Variants in ASAH1 observed in about 807,000 individuals in gnomAD.
ASAH1 encodes N-acylsphingosine amidohydrolase 1.
In ASAH1, 70 loss-of-function variants were observed where a neutral mutation model predicts 59.5. The ratio of observed to expected loss-of-function variants is 1.18; its 90% CI spans 0.97 to 1.43. The LOEUF (loss-of-function observed/expected upper bound fraction) is 1.43. Ranked by LOEUF, ASAH1 falls within the 40% of genes most tolerant of loss-of-function variation. The probability of loss-of-function intolerance (pLI) is 0.00; values close to 1 mark genes in which losing one functional copy is unlikely to be tolerated. For missense variants in ASAH1, 660 were observed against 482.5 expected (o/e 1.37, Z -3.45); for synonymous variants, 213 against 166.5 (o/e 1.28, Z -2.15).
In ASAH1 at chr8:18,083,881, A is replaced by G. The variant is rs1589011683; in HGVS notation, c.78+100T>C. On this transcript the variant is annotated intron_variant, in intron 1 of 13. Transcript: ENST00000637790. Reference sequence around the variant, plus strand: ...GACCCCCGTAAAGAAGCTGCCCAGCACGAGGTGTTCCTTGTACCCGCTCGC... The same window carrying G: ...GACCCCCGTAAAGAAGCTGCCCAGCGCGAGGTGTTCCTTGTACCCGCTCGC... 9 of 1,531,750 alleles carry G rather than the reference A, an allele frequency of 5.9e-6. No individual in the cohort carries two copies. In the Admixed American group the frequency reaches 9.8e-5, roughly 17 times the overall value. 94.9% of individuals were successfully genotyped at this position (1,531,750 alleles called of 1,614,324 possible). A position where few individuals can be genotyped will look rare whatever the true frequency, so the allele number is the denominator to read the frequency against.
chr8:18,058,960 T>A, intron 12 of ASAH1, 69 bp from the exon 13 acceptor site: 1 of 1,368,518 alleles, frequency 7.3e-7, no homozygotes, highest in Non-Finnish European at 1.0e-6. Context: ...TCTACACACA[T>A]GGGCCACCAG....
chr8:18,072,203 A>C (rs181392659), intron 2 of ASAH1, among the ~76,000 whole-genome samples: 143 of 152,334 alleles, frequency 9.4e-4, no homozygotes, highest in Non-Finnish European at 1.7e-3. Context: ...GTGGTTTATC[A>C]GTATAAACCT....
At chr8:18,075,268 C>T (rs554105368) in intron 2 of ASAH1, among the ~76,000 whole-genome samples, 1 of 152,270 alleles carries the variant, frequency 6.6e-6, no homozygotes, top group East Asian at 1.9e-4. Flanking sequence ...GCTGGGATTA[C>T]AGGCGTGAGC....
upstream of ASAH1, chr8:18,084,426 C>T (rs1047907552): frequency 8.7e-6 from 12 of 1,377,548 alleles, no homozygotes; most frequent in Middle Eastern, 2.7e-4. Flanking sequence ...CTCGATGGGG[C>T]GCCTCTAGCA....
rs1799478677 is a variant in ASAH1, at chr8:18,056,572, G to C, written c.*962C>G. 1 of 152,178 alleles carries C rather than the reference G, an allele frequency of 6.6e-6. No homozygotes were observed. Among genetic ancestry groups the C allele is most frequent in the African/African-American group, 2.4e-5 (1 of 41,430 alleles). 9.4% of individuals were successfully genotyped at this position (152,178 alleles called of 1,614,324 possible). A position where few individuals can be genotyped will look rare whatever the true frequency, so the allele number is the denominator to read the frequency against. ...ACAGTTAATCGTGAAGGTTAGAAAG[G>C]TTAACAAGTTCTATTAGTACTTTTC... On this transcript the variant is annotated 3_prime_UTR_variant, in exon 14 of 14. Coordinates refer to ENST00000637790, the MANE Select transcript of ASAH1 (RefSeq NM_177924.5).
chr8:18,073,270 G>C, intron 2 of ASAH1: 1 of 1,579,548 alleles, frequency 6.3e-7, no homozygotes, highest in Non-Finnish European at 8.7e-7. Context: ...TAACAGCAGG[G>C]AAGACACTAT....
rs572379021 is a variant in ASAH1, at chr8:18,063,117, G to A, written c.503+68C>T. ...ACTCCTGACCTCGTGATCCACCCGT[G>A]TCAGCCTCCCAAAAAGCTGGGATTA... On this transcript the variant is annotated intron_variant, in intron 7 of 13. Coordinates refer to ENST00000637790, the MANE Select transcript of ASAH1 (RefSeq NM_177924.5). 5 of 1,470,610 alleles carry A rather than the reference G, an allele frequency of 3.4e-6. No individual in the cohort carries two copies. The African/African-American group carries it at 4.2e-5, about 12-fold the overall frequency. The allele number at this position is 1,470,610 out of a possible 1,614,324, so 91.1% of individuals were successfully genotyped here.
chr8:18,067,501 G>T (rs55642584), intron 4 of ASAH1: 1 of 239,302 alleles, frequency 4.2e-6, no homozygotes. Flanking sequence ...AAGATTCTAT[G>T]TAATACTGAA....
rs768462100 is a variant in ASAH1 at position 18,057,550 on chromosome 8, G to A, written c.1172C>T (p.Pro391Leu). ...FETYLRDCPD[P>L]CIGW ...GACGTGTGCTCACCAACCTATACAA[G>A]GGTCAGGGCAGTCCCGCAGGTAAGT... Residue 391 changes from proline to leucine, a missense_variant, in exon 14 of 14, where the codon CCT becomes CTT. Transcript: ENST00000637790. 6.2e-7 allele frequency: 1 copy of A among 1,600,294 alleles called. No homozygotes were observed. Among genetic ancestry groups the A allele is most frequent in the Admixed American group, 1.7e-5 (1 of 59,590 alleles).
At position 18,059,261 on chromosome 8, in the gene ASAH1, G is replaced by C; in HGVS notation, c.1041+80C>G. On this transcript the variant is annotated intron_variant, in intron 12 of 13. Transcript: ENST00000637790. ...AAAATAGGACGTTTATAAATTACTT[G>C]AAGGCCAAAGAAAAATGCCAGAACC... 3.1e-6 allele frequency: 5 copies of C among 1,601,044 alleles called. No individual in the cohort carries two copies. In the South Asian group the frequency reaches 3.3e-5, roughly 11 times the overall value.
At position 18,062,381 on chromosome 8, in the gene ASAH1, T is replaced by C. The variant is rs1303453116; in HGVS notation, c.546A>G (p.Leu182=). Residue 182 remains leucine (L), a synonymous_variant, in exon 8 of 14, where the codon CTA becomes CTG. Transcript: ENST00000637790. The part of the protein sequence containing the change: ...NNDTWVITEQ[L]KPLTVNLDFQ... Reference sequence around the variant, plus strand: ...AATCCAAATTCACTGTTAAAGGTTTTAGTTGCTCAGTTATGACCCAGGTAT... The same window carrying C: ...AATCCAAATTCACTGTTAAAGGTTTCAGTTGCTCAGTTATGACCCAGGTAT... 5 of 1,614,072 alleles carry C rather than the reference T, an allele frequency of 3.1e-6. No individual in the cohort carries two copies. The highest frequency in any genetic ancestry group is 2.2e-5 in the East Asian group (1 of 44,886).
rs550035024 is a variant in ASAH1, at chr8:18,059,536, T to C, written c.917+36A>G. 29 of 1,614,210 alleles carry C rather than the reference T, an allele frequency of 1.8e-5. No individual in the cohort carries two copies. The African/African-American group carries it at 3.7e-4, about 21-fold the overall frequency. On this transcript the variant is annotated intron_variant, in intron 11 of 13. Coordinates refer to ENST00000637790, the MANE Select transcript of ASAH1 (RefSeq NM_177924.5). ...CTCAAAGTATATCAGTGTATGCTTT[T>C]GTTTCTACTTCTTTTGCTTTAACAA...
chr8:18,073,760 T>C (rs758910513), intron 2 of ASAH1, among the ~76,000 whole-genome samples: 1 of 152,162 alleles, frequency 6.6e-6, no homozygotes. Context: ...CATTCAAAGG[T>C]ACATAAATAC....
rs146856824 is a variant in ASAH1, at chr8:18,059,942, CCT to C, written c.786-241_786-240del. 0.021 allele frequency: 9,164 copies of C among 426,426 alleles called. 486 individuals are homozygous for C. Among genetic ancestry groups the C allele is most frequent in the African/African-American group, 0.13 (6,544 of 49,410 alleles). The allele number at this position is 426,426 out of a possible 1,614,324, so 26.4% of individuals were successfully genotyped here. On this transcript the variant is annotated intron_variant, in intron 10 of 13. Transcript: ENST00000637790. ...CTCTCCCTCCCCTTTCACCCCACCCCCTGACAGGCCCTGGTGCGTGATGTTCC... is the reference window on the plus strand; with the variant it reads ...CTCTCCCTCCCCTTTCACCCCACCCCGACAGGCCCTGGTGCGTGATGTTCC...
At chr8:18,059,921 C>G in intron 10 of ASAH1, 1 of 452,682 alleles carries the variant, frequency 2.2e-6, no homozygotes, top group Non-Finnish European at 4.0e-6. Flanking sequence ...CTAATGCTCT[C>G]CCTCCCCTTT....
At chr8:18,061,483 G>A (rs1401772399) in intron 9 of ASAH1, 25 bp from the exon 10 acceptor site, 2 of 1,586,152 alleles carry the variant, frequency 1.3e-6, no homozygotes, top group African/African-American at 1.3e-5. Flanking sequence ...CACAATGTCA[G>A]GAACCGGAAG....
upstream of ASAH1, chr8:18,084,886 C>T: frequency 1.3e-6 from 2 of 1,563,542 alleles, no homozygotes; most frequent in East Asian, 2.3e-5. Context: ...ACGCGAGTAG[C>T]TCGGCAGGGG....
rs190788527 is a variant in ASAH1, at chr8:18,059,646, A to G, written c.843T>C (p.Phe281=). 1.2e-6 allele frequency: 2 copies of G among 1,614,246 alleles called. No homozygotes were observed. Among genetic ancestry groups the G allele is most frequent in the East Asian group, 2.2e-5 (1 of 44,890 alleles). The part of the protein sequence containing the change: ...TKTKILAPAY[F]ILGGNQSGEG... ...CCCCAGACTGGTTGCCTCCCAGGATAAAGTAGGCTGGGGCCAATATCTTGG... is the reference window on the plus strand; with the variant it reads ...CCCCAGACTGGTTGCCTCCCAGGATGAAGTAGGCTGGGGCCAATATCTTGG... Residue 281 remains phenylalanine, a synonymous_variant, in exon 11 of 14, where the codon TTT becomes TTC. Transcript: ENST00000637790.
chr8:18,083,911 C>T (rs1261448797), intron 1 of ASAH1, 70 bp downstream of exon 1: 2 of 1,548,928 alleles, frequency 1.3e-6, no homozygotes, highest in South Asian at 2.3e-5. Context: ...GCTCGCGCCG[C>T]CACACCTGCG....
Sources: gnomAD v4.1 joint callset for allele counts (sites outside exome capture counted in the v4.1 genomes callset) on GRCh38, gnomAD v4.1.1 for gene constraint, MANE v1.5 for transcripts, NCBI Gene and HGNC (gene_info 2026-07-23, HGNC 2026-07-21) for gene names.